ARHGAP21: variants seen among roughly 807,000 people sequenced by gnomAD.
The protein encoded by ARHGAP21 is Rho GTPase activating protein 21.
In ARHGAP21, 38 loss-of-function variants were observed where a neutral mutation model predicts 164.6. The ratio of observed to expected loss-of-function variants is 0.23; its 90% CI spans 0.18 to 0.30. The LOEUF (loss-of-function observed/expected upper bound fraction) is 0.30, where lower values mean the gene tolerates loss of function less well. Among genes scored for constraint, ARHGAP21 ranks in the 10% least tolerant of loss-of-function variants. ARHGAP21 has a pLI of 1.00. For missense variants in ARHGAP21, 1,822 were observed against 2,370.7 expected, an observed-to-expected ratio of 0.77 and a Z score of 4.81; for synonymous variants, 766 against 857.9, an observed-to-expected ratio of 0.89 and a Z score of 1.87.
rs1277480907 is a variant in ARHGAP21 at position 24,621,326 on chromosome 10, C to A, written c.569G>T (p.Ser190Ile). 6.2e-7 allele frequency: 1 copy of A among 1,608,830 alleles called. No individual in the cohort carries two copies. The highest frequency in any genetic ancestry group is 8.5e-7 in the Non-Finnish European group (1 of 1,177,136). Reference protein sequence around the residue: ...DAYLKGNEAYSGNARNIPEPP... With the variant: ...DAYLKGNEAYIGNARNIPEPP... ...TTCAGGTATATTGCGGGCATTGCCG[C>A]TATAAGCTTCGTTGCCTTTCAGGTA... Residue 190 changes from serine to isoleucine, a missense_variant, in exon 9 of 26, where the codon AGC (serine) becomes ATC (isoleucine). Transcript: ENST00000396432.
intron 2 of ARHGAP21, among the ~76,000 whole-genome samples, chr10:24,674,687 A>C (rs971528939): frequency 6.6e-6 from 1 of 152,120 alleles, no homozygotes; most frequent in Non-Finnish European, 1.5e-5. Context: ...CCCTGCCTCA[A>C]AAAATATATA....
rs780487583 is a variant in ARHGAP21 at position 24,600,676 on chromosome 10, C to T, written c.3102G>A (p.Thr1034=). The change falls in exon 14 of 26, where the codon ACG becomes ACA. Residue 1034 remains threonine, a synonymous_variant. Coordinates refer to ENST00000396432, the MANE Select transcript of ARHGAP21 (RefSeq NM_020824.4). ...CGTTTAGGTTGCTGCTCTCCTGGAT[C>T]GTCTTGATCCAAGCTAGCATATCAT... ...DRDDMLAWIK[T]IQESSNLNEE... 3 of 1,613,780 alleles carry T rather than the reference C, an allele frequency of 1.9e-6. No homozygotes were observed. Among genetic ancestry groups the T allele is most frequent in the South Asian group, 1.1e-5 (1 of 91,060 alleles).
intron 2 of ARHGAP21, among the ~76,000 whole-genome samples, chr10:24,674,288 C>G (rs1840998740): frequency 1.3e-5 from 2 of 152,264 alleles, no homozygotes; most frequent in South Asian, 4.1e-4. Context: ...AATCCCAGCA[C>G]TTTGGGAGGC....
At chr10:24,710,217 A>G (rs1463299116) in intron 2 of ARHGAP21, among the ~76,000 whole-genome samples, 1 of 152,202 alleles carries the variant, frequency 6.6e-6, no homozygotes, top group African/African-American at 2.4e-5. Context: ...TAGATATACT[A>G]TATGTAGAAT....
At chr10:24,690,206 C>T (rs1199912919) in intron 2 of ARHGAP21, among the ~76,000 whole-genome samples, 1 of 152,048 alleles carries the variant, frequency 6.6e-6, no homozygotes, top group South Asian at 2.1e-4. Flanking sequence ...GCCTTGTAGA[C>T]CAGTGTCTAT....
At chr10:24,668,049 T>C (rs193197257) in intron 3 of ARHGAP21, among the ~76,000 whole-genome samples, 1 of 152,338 alleles carries the variant, frequency 6.6e-6, no homozygotes, top group Admixed American at 6.5e-5. Context: ...TGTCAATTTC[T>C]ATGTTAAGTG....
chr10:24,590,441 C>T (rs1310011392), intron 24 of ARHGAP21: 10 of 1,535,368 alleles, frequency 6.5e-6, no homozygotes, highest in Non-Finnish European at 8.7e-6. Context: ...ACAGAATCCA[C>T]TAGTGACATT....
intron 11 of ARHGAP21, 102 bp from the exon 12 acceptor site, chr10:24,604,450 T>C: frequency 1.4e-6 from 1 of 728,536 alleles, no homozygotes; most frequent in African/African-American, 1.8e-5. Context: ...AATAATAATC[T>C]GACATTTCAT....
At chr10:24,594,734 G>C (rs148848942) in intron 21 of ARHGAP21, among the ~76,000 whole-genome samples, 7 of 152,178 alleles carry the variant, frequency 4.6e-5, no homozygotes, top group Non-Finnish European at 8.8e-5. Flanking sequence ...TTTTCTTACT[G>C]AATAACCATA....
Position 24,646,796 on chromosome 10 carries a change from T to C in ARHGAP21, c.269-11693A>G, listed in dbSNP as rs140956641. ...CCATTATACAATGATTTGATCATTATACAATGCATATATGCATTAAAATAT... is the reference window on the plus strand; with the variant it reads ...CCATTATACAATGATTTGATCATTACACAATGCATATATGCATTAAAATAT... On this transcript the variant is annotated intron_variant, in intron 4 of 25. Coordinates refer to ENST00000396432, the MANE Select transcript of ARHGAP21 (RefSeq NM_020824.4). 8.5e-5 allele frequency among the ~76,000 whole-genome samples: 13 copies of C among 152,326 alleles called. No homozygotes were observed. In the East Asian group the frequency reaches 9.6e-4, roughly 11 times the overall value.
Position 24,619,788 on chromosome 10 carries a change from A to G in ARHGAP21, c.2107T>C (p.Ser703Pro). The G allele has an allele frequency of 6.2e-7, 1 of 1,614,130 alleles. No individual in the cohort carries two copies. The highest frequency in any genetic ancestry group is 1.3e-5 in the African/African-American group (1 of 75,026). Residue 703 changes from serine to proline, a missense_variant, in exon 9 of 26, where the codon TCA becomes CCA. Ser to Pro is a moderately conservative substitution (Grantham distance 74). This residue lies in a region of ARHGAP21 where 1,090 missense variants were observed against 1,378.9 expected (regional missense o/e 0.79). Coordinates refer to ENST00000396432, the MANE Select transcript of ARHGAP21 (RefSeq NM_020824.4). ...TGACTGACAGGTAGTTCTAAATCTG[A>G]AGTACCAGCGTTTTCACTCGACTGA... ...APQSSENAGT[S>P]DLELPVSQRN...
Position 24,585,730 on chromosome 10 carries a change from C to T in ARHGAP21, c.4559G>A (p.Arg1520His), listed in dbSNP as rs754482786. 7 of 1,613,984 alleles carry T rather than the reference C, an allele frequency of 4.3e-6. No individual in the cohort carries two copies. The highest frequency in any genetic ancestry group is 1.1e-5 in the South Asian group (1 of 91,062). ...KHNKSPTLSC[R>H]FAILKESPRS... ...GGGGCTCTCTTTCAGGATGGCAAAG[C>T]GACAGCTGAGAGTTGGTGACTTGTT... The change falls in exon 26 of 26, where the codon CGC (arginine) becomes CAC (histidine). Residue 1520 changes from arginine (R) to histidine (H), a missense_variant. Physicochemically the swap from Arg to His is conservative, Grantham distance 29. Transcript: ENST00000396432.
At chr10:24,639,650 G>A (rs978385888) in intron 4 of ARHGAP21, among the ~76,000 whole-genome samples, 2 of 152,010 alleles carry the variant, frequency 1.3e-5, no homozygotes, top group Admixed American at 1.3e-4. Context: ...GGGATAGGAC[G>A]AGAAACATGA....
intron 13 of ARHGAP21, 41 bp downstream of exon 13, chr10:24,601,937 C>A: frequency 6.8e-7 from 1 of 1,475,190 alleles, no homozygotes; most frequent in Non-Finnish European, 9.1e-7. Flanking sequence ...TTGTCAGGGT[C>A]TGCATTTCTG....
chr10:24,699,753 G>C (rs1843490019), intron 2 of ARHGAP21, among the ~76,000 whole-genome samples: 1 of 152,176 alleles, frequency 6.6e-6, no homozygotes, highest in Non-Finnish European at 1.5e-5. Flanking sequence ...CACCTTCTTA[G>C]CTATGTGGCC....
intron 9 of ARHGAP21, among the ~76,000 whole-genome samples, chr10:24,612,327 G>A (rs1432536721): frequency 6.6e-6 from 1 of 152,086 alleles, no homozygotes; most frequent in Non-Finnish European, 1.5e-5. Flanking sequence ...AAAAAGAGGG[G>A]TAAATTTGTA....
chr10:24,610,302 G>A (rs1440870493), intron 9 of ARHGAP21, among the ~76,000 whole-genome samples: 4 of 151,866 alleles, frequency 2.6e-5, no homozygotes, highest in African/African-American at 4.8e-5. Flanking sequence ...GCTTGAACCC[G>A]GGAGGCGGAG....
At chr10:24,673,674 C>T (rs923804416) in intron 2 of ARHGAP21, among the ~76,000 whole-genome samples, 14 of 151,902 alleles carry the variant, frequency 9.2e-5, no homozygotes, top group African/African-American at 2.9e-4. Context: ...CCAGCCTGGC[C>T]AACATGGTGA....
At chr10:24,638,744 C>CT in intron 4 of ARHGAP21, among the ~76,000 whole-genome samples, 1 of 152,210 alleles carries the variant, frequency 6.6e-6, no homozygotes, top group Middle Eastern at 3.4e-3. Context: ...GAGAGTGTGC[C>CT]TTTTTGGCAC....
Sources: allele counts gnomAD v4.1 joint callset (sites outside exome capture counted in the v4.1 genomes callset), GRCh38; gene constraint gnomAD v4.1.1; regional missense constraint gnomAD v4.1.1; transcripts MANE v1.5; gene names NCBI Gene and HGNC (gene_info 2026-07-23, HGNC 2026-07-21).